STX18: variants seen among roughly 807,000 people sequenced by gnomAD.
STX18 encodes syntaxin-18.
STX18 carries 40 observed loss-of-function variants against 50.1 expected under a neutral mutation model. That is an observed-to-expected ratio of 0.80 (90% CI 0.62 to 1.04). The LOEUF (loss-of-function observed/expected upper bound fraction) is 1.04, where lower values mean the gene tolerates loss of function less well. Among genes scored for constraint, STX18 ranks in the 50% least tolerant of loss-of-function variants. The pLI is 0.00. For missense variants in STX18, 410 were observed against 415.8 expected (o/e 0.99, Z 0.12); for synonymous variants, 158 against 151.8 (o/e 1.04, Z -0.30).
chr4:4,462,253 C>A (rs1340245826), intron 2 of STX18, among the ~76,000 whole-genome samples: 2 of 152,214 alleles, frequency 1.3e-5, no homozygotes, highest in African/African-American at 4.8e-5. Context: ...CCTGCAACTG[C>A]AGCATAGGTC....
intron 1 of STX18, among the ~76,000 whole-genome samples, chr4:4,480,055 G>A (rs1001991850): frequency 6.6e-6 from 1 of 152,208 alleles, no homozygotes; most frequent in Non-Finnish European, 1.5e-5. Flanking sequence ...CCATATGCGT[G>A]AAACATAGGA....
At chr4:4,466,960 G>A (rs1727647263) in intron 2 of STX18, among the ~76,000 whole-genome samples, 1 of 151,966 alleles carries the variant, frequency 6.6e-6, no homozygotes, top group African/African-American at 2.4e-5. Flanking sequence ...GATTAAGGAT[G>A]AAATCCTAGG....
chr4:4,514,922 G>C (rs1730178941), intron 1 of STX18, among the ~76,000 whole-genome samples: 1 of 152,162 alleles, frequency 6.6e-6, no homozygotes, highest in African/African-American at 2.4e-5. Flanking sequence ...TACAATGGAG[G>C]CTAATTATAA....
chr4:4,476,435 T>G (rs1728178671), intron 1 of STX18, among the ~76,000 whole-genome samples: 1 of 152,224 alleles, frequency 6.6e-6, no homozygotes, highest in Non-Finnish European at 1.5e-5. Flanking sequence ...AGCTCAAGAC[T>G]GACTGAGCTG....
intron 1 of STX18, among the ~76,000 whole-genome samples, chr4:4,505,363 T>A (rs1729651011): frequency 6.6e-6 from 1 of 152,210 alleles, no homozygotes; most frequent in African/African-American, 2.4e-5. Flanking sequence ...GGCAACACAG[T>A]ACACTGCAAA....
intron 1 of STX18, among the ~76,000 whole-genome samples, chr4:4,516,524 A>G (rs1048849546): frequency 3.9e-5 from 6 of 152,336 alleles, no homozygotes; most frequent in African/African-American, 7.2e-5. Flanking sequence ...ATTTTCATAT[A>G]AGAAAAAAAT....
chr4:4,466,174 A>C (rs1402822312), intron 2 of STX18, among the ~76,000 whole-genome samples: 1 of 152,176 alleles, frequency 6.6e-6, no homozygotes, highest in Admixed American at 6.5e-5. Flanking sequence ...TTCAGATAGG[A>C]AGGCAGGGCC....
intron 1 of STX18, among the ~76,000 whole-genome samples, chr4:4,474,046 C>T (rs1728056407): frequency 6.6e-6 from 1 of 152,138 alleles, no homozygotes; most frequent in Non-Finnish European, 1.5e-5. Flanking sequence ...CAGGCCTTCC[C>T]CTCACTTGCA....
intron 1 of STX18, among the ~76,000 whole-genome samples, chr4:4,539,129 G>A (rs1281490212): frequency 1.3e-5 from 2 of 152,144 alleles, no homozygotes; most frequent in Non-Finnish European, 2.9e-5. Flanking sequence ...ACAATTCAGT[G>A]AGATGGAAAT....
intron 1 of STX18, among the ~76,000 whole-genome samples, chr4:4,535,541 G>C (rs1012579621): frequency 6.6e-6 from 1 of 152,120 alleles, no homozygotes; most frequent in Admixed American, 6.5e-5. Context: ...GTTCCTAGGG[G>C]TTCCTCAAGG....
At chr4:4,431,548 C>A (rs1328085753) in intron 7 of STX18, among the ~76,000 whole-genome samples, 2 of 152,126 alleles carry the variant, frequency 1.3e-5, no homozygotes, top group African/African-American at 4.8e-5. Context: ...TCTAGAGAGC[C>A]TCACGCAAGC....
At chr4:4,469,148 G>A (rs751793405) in intron 2 of STX18, among the ~76,000 whole-genome samples, 2 of 152,168 alleles carry the variant, frequency 1.3e-5, no homozygotes, top group Non-Finnish European at 2.9e-5. Context: ...GAGGGAAACC[G>A]AGCCATATGG....
chr4:4,514,019 T>C (rs977992515), intron 1 of STX18, among the ~76,000 whole-genome samples: 5 of 152,126 alleles, frequency 3.3e-5, no homozygotes, highest in Admixed American at 6.6e-5. Flanking sequence ...GCAGCTTCCA[T>C]TGCAGGAGAG....
intron 1 of STX18, among the ~76,000 whole-genome samples, chr4:4,537,788 G>C (rs1200269707): frequency 1.3e-5 from 2 of 152,138 alleles, no homozygotes; most frequent in Non-Finnish European, 2.9e-5. Flanking sequence ...GCTTCCCCAA[G>C]TTCATATAAC....
intron 1 of STX18, among the ~76,000 whole-genome samples, chr4:4,501,281 C>T (rs969604644): frequency 5.3e-5 from 8 of 152,104 alleles, no homozygotes; most frequent in African/African-American, 1.9e-4. Context: ...AAAATATAGC[C>T]ACATTTTTGC....
At chr4:4,424,512 AG>A (rs1560155861) in intron 8 of STX18, among the ~76,000 whole-genome samples, 2 of 152,192 alleles carry the variant, frequency 1.3e-5, no homozygotes, top group African/African-American at 2.4e-5. Flanking sequence ...TCCATCTCTG[AG>A]GGCAGAAGGC....
rs1373211949 is a variant in STX18, at chr4:4,527,851, T to TAC, written c.168+13944_168+13945dup. Among the ~76,000 whole-genome samples the TAC allele has an allele frequency of 6.2e-3, 849 of 136,882 alleles. 7 individuals carry two copies. The highest frequency in any genetic ancestry group is 0.014 in the African/African-American group (498 of 34,930). 89.8% of individuals were successfully genotyped at this position (136,882 alleles called of 152,430 possible). Reference sequence around the variant, plus strand: ...ATATATATATGTCTTTATATATATATACACACACACACACACATATATATA... The same window carrying TAC: ...ATATATATATGTCTTTATATATATATACACACACACACACACACATATATATA... On this transcript the variant is annotated intron_variant, in intron 1 of 10. Coordinates refer to ENST00000306200, the MANE Select transcript of STX18 (RefSeq NM_016930.4).
intron 3 of STX18, 112 bp downstream of exon 3, chr4:4,459,260 A>C: frequency 1.3e-6 from 1 of 771,522 alleles, no homozygotes; most frequent in Non-Finnish European, 2.2e-6. Context: ...TAACGTTTTA[A>C]AACCTAAATC....
intron 1 of STX18, among the ~76,000 whole-genome samples, chr4:4,531,627 G>A (rs1731100619): frequency 6.6e-6 from 1 of 152,138 alleles, no homozygotes; most frequent in Admixed American, 6.5e-5. Flanking sequence ...TACTGTCACT[G>A]AGCACACCAG....
Sources: gnomAD v4.1 joint callset for allele counts (sites outside exome capture counted in the v4.1 genomes callset) on GRCh38, gnomAD v4.1.1 for gene constraint, MANE v1.5 for transcripts, NCBI Gene and HGNC (gene_info 2026-07-23, HGNC 2026-07-21) for gene names.